PACC1: variants seen among roughly 807,000 people sequenced by gnomAD.
PACC1 encodes the protein proton activated chloride channel 1, also known as proton-activated chloride channel.
A neutral mutation model predicts 39.7 loss-of-function variants in PACC1; 34 were observed. The observed-to-expected ratio is 0.86, with a 90% CI of 0.65 to 1.14. The LOEUF (loss-of-function observed/expected upper bound fraction) is 1.14. Among genes scored for constraint, PACC1 ranks in the 50% most tolerant of loss-of-function variants. The probability of loss-of-function intolerance (pLI) is 0.00; values close to 1 mark genes in which losing one functional copy is unlikely to be tolerated. For missense variants in PACC1, 379 were observed against 436.4 expected (o/e 0.87, Z 1.17); for synonymous variants, 127 against 160.6 (o/e 0.79, Z 1.58).
intron 7 of PACC1, among the ~76,000 whole-genome samples, chr1:212,373,751 A>C (rs1310773823): frequency 6.6e-6 from 1 of 152,358 alleles, no homozygotes; most frequent in South Asian, 2.1e-4. Context: ...ATATGAAAAT[A>C]TGCTCAACAA....
chr1:212,381,760 A>T (rs1463832561), intron 4 of PACC1, among the ~76,000 whole-genome samples: 1 of 47,636 alleles, frequency 2.1e-5, no homozygotes, highest in African/African-American at 1.8e-4. Context: ...TGCCCAGGGG[A>T]CAGCACAGTG....
At chr1:212,402,130 TGTAAGTTTTCATGTGGAC>T (rs1661739063) in intron 2 of PACC1, among the ~76,000 whole-genome samples, 1 of 152,252 alleles carries the variant, frequency 6.6e-6, no homozygotes, top group African/African-American at 2.4e-5. Flanking sequence ...TTTTTGGAGA[TGTAAGTTTTCATGTGGAC>T]GTAAGTTTTC....
At chr1:212,404,307 C>T (rs570552910) in intron 2 of PACC1, among the ~76,000 whole-genome samples, 20 of 151,716 alleles carry the variant, frequency 1.3e-4, no homozygotes, top group East Asian at 3.9e-4. Flanking sequence ...GGGGTTTCAT[C>T]GTGTTAGCCA....
Position 212,364,230 on chromosome 1 carries a change from G to C in PACC1, c.*985C>G, listed in dbSNP as rs190003940. 6.6e-6 allele frequency: 1 copy of C among 152,172 alleles called. No homozygotes were observed. Among genetic ancestry groups the C allele is most frequent in the East Asian group, 1.9e-4 (1 of 5,174 alleles). The allele number at this position is 152,172 out of a possible 1,614,324, so 9.4% of individuals were successfully genotyped here. A position where few individuals can be genotyped will look rare whatever the true frequency, so the allele number is the denominator to read the frequency against. The stretch of plus-strand genomic sequence containing the variant: ...GCGTATGCCCCTTCCTCATATGATG[G>C]GTAGTTTTGTGGACACAGTAAAGAG... On this transcript the variant is annotated 3_prime_UTR_variant, in exon 8 of 8. Transcript: ENST00000261455.
At chr1:212,404,976 C>T (rs1661855745) in intron 2 of PACC1, among the ~76,000 whole-genome samples, 1 of 151,992 alleles carries the variant, frequency 6.6e-6, no homozygotes, top group Non-Finnish European at 1.5e-5. Flanking sequence ...TTTCACCACG[C>T]TGGCCAGGCT....
chr1:212,397,103 T>G (rs1558178748), intron 2 of PACC1, among the ~76,000 whole-genome samples: 2 of 151,980 alleles, frequency 1.3e-5, no homozygotes, highest in Non-Finnish European at 2.9e-5. Context: ...CTAAAAGGAA[T>G]TGACACTAGA....
chr1:212,388,066 A>G (rs1369950471), intron 2 of PACC1, among the ~76,000 whole-genome samples: 2 of 151,460 alleles, frequency 1.3e-5, no homozygotes, highest in Non-Finnish European at 2.9e-5. Flanking sequence ...AAAAAAAAAA[A>G]AAAAGAAAAA....
chr1:212,379,854 A>G, intron 5 of PACC1, 41 bp downstream of exon 5: 5 of 1,611,632 alleles, frequency 3.1e-6, no homozygotes, highest in Non-Finnish European at 4.2e-6. Flanking sequence ...GAATAAGATA[A>G]AAAGTAGACA....
intron 2 of PACC1, among the ~76,000 whole-genome samples, chr1:212,395,118 C>T (rs896467554): frequency 3.9e-5 from 6 of 152,136 alleles, no homozygotes; most frequent in Non-Finnish European, 5.9e-5. Flanking sequence ...AAAAAGAGCC[C>T]GCATTGCCAA....
intron 4 of PACC1, 145 bp downstream of exon 4, chr1:212,385,129 G>T: frequency 1.1e-6 from 1 of 904,296 alleles, no homozygotes; most frequent in Non-Finnish European, 1.7e-6. Context: ...GTGTCCACAT[G>T]GCACAGCCGC....
chr1:212,371,241 CA>C (rs1189603478), intron 7 of PACC1, among the ~76,000 whole-genome samples: 62 of 88,796 alleles, frequency 7.0e-4, no homozygotes, highest in Middle Eastern at 7.2e-3. Flanking sequence ...GACTCCATTT[CA>C]AAAAAAAAAA....
intron 7 of PACC1, among the ~76,000 whole-genome samples, chr1:212,372,514 GA>G (rs1329916230): frequency 1.3e-5 from 2 of 152,080 alleles, no homozygotes; most frequent in African/African-American, 4.8e-5. Flanking sequence ...TTAGACAAGA[GA>G]AAGAAATAAA....
chr1:212,379,744 G>A, intron 5 of PACC1, 151 bp downstream of exon 5: 2 of 908,240 alleles, frequency 2.2e-6, no homozygotes, highest in African/African-American at 1.7e-5. Context: ...GACCGGCCAA[G>A]CTCATGAGGT....
chr1:212,388,742 T>C (rs1661195729), intron 2 of PACC1, among the ~76,000 whole-genome samples: 1 of 152,176 alleles, frequency 6.6e-6, no homozygotes. Context: ...AAATTTCTGT[T>C]GTTTATGCCA....
intron 1 of PACC1, chr1:212,413,769 G>A (rs1662221210): frequency 3.0e-6 from 3 of 1,016,426 alleles, no homozygotes; most frequent in Non-Finnish European, 4.2e-6. Flanking sequence ...AAAAAGGAAT[G>A]CTCCGAGGTG....
rs1661088316 is a variant in PACC1 at position 212,386,039 on chromosome 1, C to A, written c.344-614G>T. On this transcript the variant is annotated intron_variant, in intron 3 of 7. Transcript: ENST00000261455. The surrounding 1 kb of genome is among the most constrained non-coding windows in gnomAD (Gnocchi z 5.0). ...CAGATAAAGAAGACTCAAGCAGACA[C>A]ACAGAGAAGAGGGACAAACACAAGA... Among the ~76,000 whole-genome samples the A allele has an allele frequency of 6.6e-6, 1 of 152,246 alleles. No homozygotes were observed. Among genetic ancestry groups the A allele is most frequent in the African/African-American group, 2.4e-5 (1 of 41,544 alleles).
intron 7 of PACC1, among the ~76,000 whole-genome samples, chr1:212,370,801 A>C (rs1660423531): frequency 6.6e-6 from 1 of 152,254 alleles, no homozygotes; most frequent in African/African-American, 2.4e-5. Flanking sequence ...CAGTACTAAG[A>C]GGGAAGTTTA....
At chr1:212,409,184 G>A (rs1662033232) in intron 2 of PACC1, among the ~76,000 whole-genome samples, 1 of 152,110 alleles carries the variant, frequency 6.6e-6, no homozygotes, top group Non-Finnish European at 1.5e-5. Context: ...ACCGGTCCCT[G>A]GTGCCAAAAA....
At chr1:212,393,005 C>T (rs1164131587) in intron 2 of PACC1, among the ~76,000 whole-genome samples, 1 of 152,124 alleles carries the variant, frequency 6.6e-6, no homozygotes, top group Non-Finnish European at 1.5e-5. Context: ...TAACACCCCA[C>T]TGTCAACATT....
Sources: gnomAD v4.1 joint callset for allele counts (sites outside exome capture counted in the v4.1 genomes callset) on GRCh38, gnomAD v4.1.1 for gene constraint, Gnocchi (gnomAD v3.1) non-coding constraint, MANE v1.5 for transcripts, NCBI Gene and HGNC (gene_info 2026-07-23, HGNC 2026-07-21) for gene names.